ZFPM2: variants seen among roughly 807,000 people sequenced by gnomAD.
ZFPM2 encodes zinc finger protein ZFPM2.
A neutral mutation model predicts 98.6 loss-of-function variants in ZFPM2; 20 were observed. The ratio of observed to expected loss-of-function variants is 0.20; its 90% CI spans 0.14 to 0.29. ZFPM2 has a LOEUF of 0.29. ZFPM2 is among the 10% of genes least tolerant of loss of function. The pLI is 1.00. For missense variants in ZFPM2, 1,310 were observed against 1,388.6 expected, an observed-to-expected ratio of 0.94 and a Z score of 0.90; for synonymous variants, 518 against 502.7, an observed-to-expected ratio of 1.03 and a Z score of -0.41.
chr8:105,665,817 T>C (rs1168911067), intron 5 of ZFPM2, among the ~76,000 whole-genome samples: 1 of 152,174 alleles, frequency 6.6e-6, no homozygotes, highest in Non-Finnish European at 1.5e-5. Flanking sequence ...CTTATAAGAT[T>C]ATTTGGGGAT....
At chr8:105,402,434 A>G (rs144101710) in intron 1 of ZFPM2, among the ~76,000 whole-genome samples, 160 of 152,118 alleles carry the variant, frequency 1.1e-3, no homozygotes, top group African/African-American at 3.5e-3. Flanking sequence ...ATCCTATTCA[A>G]TGGTATCTGA....
intron 4 of ZFPM2, among the ~76,000 whole-genome samples, chr8:105,586,638 C>T (rs1208309205): frequency 1.3e-5 from 2 of 151,322 alleles, no homozygotes; most frequent in Non-Finnish European, 2.9e-5. Flanking sequence ...GGCCAGGCTG[C>T]TCTTGGACTC....
chr8:105,400,957 CTTTTT>C (rs201378567), intron 1 of ZFPM2, among the ~76,000 whole-genome samples: 3 of 147,616 alleles, frequency 2.0e-5, no homozygotes, highest in Non-Finnish European at 4.5e-5. Context: ...TCTAGGGAGT[CTTTTT>C]TTTTTAAGTT....
At position 105,498,995 on chromosome 8, in the gene ZFPM2, A is replaced by G. The variant is rs148875899; in HGVS notation, c.301+54614A>G. Among the ~76,000 whole-genome samples, 192 of 152,304 alleles carry G rather than the reference A, an allele frequency of 1.3e-3. 4 individuals are homozygous for G. The East Asian group carries it at 0.027, about 22-fold the overall frequency. ...TAACAGGATTGGAAGTGTGGAATATAAAGTGTAAGAAAAGAGACTTCTCCC... is the reference window on the plus strand; with the variant it reads ...TAACAGGATTGGAAGTGTGGAATATGAAGTGTAAGAAAAGAGACTTCTCCC... On this transcript the variant is annotated intron_variant, in intron 3 of 7. Transcript: ENST00000407775.
chr8:105,748,714 C>CT (rs1451309188), intron 5 of ZFPM2, among the ~76,000 whole-genome samples: 1 of 151,944 alleles, frequency 6.6e-6, no homozygotes, highest in Non-Finnish European at 1.5e-5. Context: ...TTTTGAGGTT[C>CT]TTGCTGGTTT....
At chr8:105,617,907 AT>A (rs1490125680) in intron 4 of ZFPM2, among the ~76,000 whole-genome samples, 1 of 152,182 alleles carries the variant, frequency 6.6e-6, no homozygotes, top group African/African-American at 2.4e-5. Flanking sequence ...GTTTTTCAAT[AT>A]TTTAAAATCA....
At chr8:105,638,959 A>G (rs980243249) in intron 5 of ZFPM2, among the ~76,000 whole-genome samples, 1 of 152,062 alleles carries the variant, frequency 6.6e-6, no homozygotes, top group African/African-American at 2.4e-5. Context: ...CCAGAAAGTA[A>G]TTAGGTCATC....
At chr8:105,486,487 T>G (rs10101650) in intron 3 of ZFPM2, among the ~76,000 whole-genome samples, 1 of 152,104 alleles carries the variant, frequency 6.6e-6, no homozygotes, top group Non-Finnish European at 1.5e-5. Context: ...CTTGGAAGAT[T>G]GTTCCTGATA....
intron 2 of ZFPM2, among the ~76,000 whole-genome samples, chr8:105,433,744 G>A (rs1812065487): frequency 1.3e-5 from 2 of 152,214 alleles, no homozygotes; most frequent in African/African-American, 2.4e-5. Context: ...CCGAGATCAC[G>A]CCACTGCACT....
chr8:105,619,396 A>G (rs868747698), intron 4 of ZFPM2, among the ~76,000 whole-genome samples: 17 of 152,182 alleles, frequency 1.1e-4, no homozygotes, highest in African/African-American at 3.1e-4. Flanking sequence ...TATTGTGAAC[A>G]TCTTGAAGAA....
intron 5 of ZFPM2, among the ~76,000 whole-genome samples, chr8:105,656,549 T>C (rs1817289601): frequency 6.6e-6 from 1 of 152,148 alleles, no homozygotes; most frequent in African/African-American, 2.4e-5. Flanking sequence ...TCCCAAACTG[T>C]GCCCTACAGG....
chr8:105,470,033 G>A (rs1234339365), intron 3 of ZFPM2, among the ~76,000 whole-genome samples: 1 of 152,172 alleles, frequency 6.6e-6, no homozygotes, highest in African/African-American at 2.4e-5. Context: ...ATGTAAGGCA[G>A]CATGCTACCT....
chr8:105,429,979 A>G (rs1811987962), intron 2 of ZFPM2, among the ~76,000 whole-genome samples: 1 of 152,206 alleles, frequency 6.6e-6, no homozygotes, highest in Non-Finnish European at 1.5e-5. Flanking sequence ...TAGACCTAGG[A>G]CAGTTCAAAA....
At position 105,801,865 on chromosome 8, in the gene ZFPM2, T is replaced by G; in HGVS notation, c.1783T>G (p.Leu595Val). 1.2e-6 allele frequency: 2 copies of G among 1,613,930 alleles called. No individual in the cohort carries two copies. Among genetic ancestry groups the G allele is most frequent in the Non-Finnish European group, 8.5e-7 (1 of 1,179,862 alleles). ...TGTGTCAGAAAAGATGCCTGAAGCT[T>G]TGAGTCCCAACACTGGCCAAACCTC... ...PSVSEKMPEA[L>V]SPNTGQTSIN... is the part of the protein sequence containing the mutation. Residue 595 changes from leucine (L) to valine (V), a missense_variant, in exon 8 of 8, where the codon TTG (leucine) becomes GTG (valine). Physicochemically the swap from Leu to Val is conservative, Grantham distance 32 (BLOSUM62 1). Transcript: ENST00000407775.
In ZFPM2 at chr8:105,708,906, C is replaced by T. The variant is rs144296381; in HGVS notation, c.532+74549C>T. Reference sequence around the variant, plus strand: ...TGAATCAAAGGTGATAAAGTAAAATCATCCAAGGTTTCTTATTTACATTTT... The same window carrying T: ...TGAATCAAAGGTGATAAAGTAAAATTATCCAAGGTTTCTTATTTACATTTT... On this transcript the variant is annotated intron_variant, in intron 5 of 7. Coordinates refer to ENST00000407775, the MANE Select transcript of ZFPM2 (RefSeq NM_012082.4). Among the ~76,000 whole-genome samples, 670 of 152,280 alleles carry T rather than the reference C, an allele frequency of 4.4e-3. 10 individuals are homozygous for T. The highest frequency in any genetic ancestry group is 0.023 in the Admixed American group (345 of 15,286).
intron 1 of ZFPM2, among the ~76,000 whole-genome samples, chr8:105,326,480 T>TA (rs1345216033): frequency 2.0e-5 from 3 of 151,680 alleles, no homozygotes; most frequent in East Asian, 3.9e-4. Context: ...TTCAGAGACT[T>TA]AAAAAAATGA....
chr8:105,336,688 C>CCA (rs139930523), intron 1 of ZFPM2, among the ~76,000 whole-genome samples: 27,895 of 141,850 alleles, frequency 0.2, 2,768 homozygotes, highest in Middle Eastern at 0.26. Context: ...GTAATATACT[C>CCA]CACACACACA....
At chr8:105,427,601 C>T (rs1811940986) in intron 2 of ZFPM2, among the ~76,000 whole-genome samples, 1 of 152,098 alleles carries the variant, frequency 6.6e-6, no homozygotes, top group Admixed American at 6.5e-5. Flanking sequence ...AAAGTGTTTG[C>T]CCACCCATTA....
At chr8:105,634,413 A>G (rs1563751887) in intron 5 of ZFPM2, 56 bp downstream of exon 5, 8 of 1,339,242 alleles carry the variant, frequency 6.0e-6, no homozygotes, top group Non-Finnish European at 5.2e-6. Context: ...TGAGCATTGC[A>G]AAACAGCACC....
Sources: gnomAD v4.1 joint callset for allele counts (sites outside exome capture counted in the v4.1 genomes callset) on GRCh38, gnomAD v4.1.1 for gene constraint, MANE v1.5 for transcripts, NCBI Gene and HGNC (gene_info 2026-07-23, HGNC 2026-07-21) for gene names.